EPB41: variants seen among roughly 807,000 people sequenced by gnomAD.
EPB41 encodes protein 4.1.
In EPB41, 65 loss-of-function variants were observed where a neutral mutation model predicts 108.0. The ratio of observed to expected loss-of-function variants is 0.60; its 90% CI spans 0.49 to 0.74. EPB41 has a LOEUF of 0.74. EPB41 is among the 30% of genes least tolerant of loss of function. The probability of loss-of-function intolerance (pLI) is 0.00; values close to 1 mark genes in which losing one functional copy is unlikely to be tolerated. For missense variants in EPB41, 875 were observed against 1,037.0 expected, an observed-to-expected ratio of 0.84 and a Z score of 2.15; for synonymous variants, 336 against 358.9, an observed-to-expected ratio of 0.94 and a Z score of 0.72.
Position 29,090,724 on chromosome 1 carries a change from T to A in EPB41, c.2185-7083T>A, listed in dbSNP as rs1197608796. Among the ~76,000 whole-genome samples, 6 of 152,158 alleles carry A rather than the reference T, an allele frequency of 3.9e-5. No individual in the cohort carries two copies. The East Asian group carries it at 1.2e-3, about 29-fold the overall frequency. On this transcript the variant is annotated intron_variant, in intron 16 of 20. Transcript: ENST00000343067. ...GACATCGCGCCATTGCACTCCAACC[T>A]GGTCAACAAGAGCGAAACCCTGTCT...
chr1:29,034,973 GTTTTT>G lies in EPB41; in HGVS notation c.1366-833_1366-829del, dbSNP rs10580931. 5.0e-3 allele frequency among the ~76,000 whole-genome samples: 439 copies of G among 87,204 alleles called. 4 individuals carry two copies. Among genetic ancestry groups the G allele is most frequent in the Middle Eastern group, 0.024 (3 of 126 alleles). 57.2% of individuals were successfully genotyped at this position (87,204 alleles called of 152,430 possible). On this transcript the variant is annotated intron_variant, in intron 9 of 20. Transcript: ENST00000343067. Reference sequence around the variant, plus strand: ...TGTTTCTTGGGTTTGTTTGTTTGTTGTTTTTTTTTTTTTTTTTTTTTTTTGGAAGA... The same window carrying G: ...TGTTTCTTGGGTTTGTTTGTTTGTTGTTTTTTTTTTTTTTTTTTTGGAAGA...
chr1:28,974,080 C>T (rs1040760842), intron 1 of EPB41, among the ~76,000 whole-genome samples: 6 of 152,124 alleles, frequency 3.9e-5, no homozygotes, highest in Admixed American at 6.6e-5. Context: ...TGTTTTATGA[C>T]GTGGTTTCAA....
Position 28,943,449 on chromosome 1 carries a change from T to C in EPB41, c.-8+28681T>C, listed in dbSNP as rs139362665. On this transcript the variant is annotated intron_variant, in intron 1 of 20. Transcript: ENST00000343067. ...GGGTGGATCACCTTAAGTCAGGAGTTCGAGACCAGCCTAGCCAACATGGTG... is the reference window on the plus strand; with the variant it reads ...GGGTGGATCACCTTAAGTCAGGAGTCCGAGACCAGCCTAGCCAACATGGTG... Among the ~76,000 whole-genome samples the C allele has an allele frequency of 4.3e-3, 660 of 152,228 alleles. 4 individuals are homozygous for C. Among genetic ancestry groups the C allele is most frequent in the African/African-American group, 0.015 (627 of 41,518 alleles).
chr1:29,015,640 C>A (rs941782938), intron 5 of EPB41, 52 bp from the exon 6 acceptor site: 3 of 1,092,178 alleles, frequency 2.7e-6, no homozygotes, highest in South Asian at 1.3e-5. Context: ...GTACTTCCAA[C>A]AATTAGAAAC....
chr1:28,937,607 C>CACCA (rs2094097234), intron 1 of EPB41, among the ~76,000 whole-genome samples: 1 of 152,158 alleles, frequency 6.6e-6, no homozygotes, highest in Non-Finnish European at 1.5e-5. Flanking sequence ...GTTGGCCAGG[C>CACCA]TGGTCTTTAA....
chr1:28,908,739 T>G (rs2092032541), intron 1 of EPB41, among the ~76,000 whole-genome samples: 1 of 151,270 alleles, frequency 6.6e-6, no homozygotes, highest in African/African-American at 2.4e-5. Flanking sequence ...CCAAGTATCA[T>G]TTTTAAGAGA....
At chr1:29,066,875 A>G (rs1023013884) in intron 16 of EPB41, among the ~76,000 whole-genome samples, 9 of 150,376 alleles carry the variant, frequency 6.0e-5, no homozygotes, top group Admixed American at 2.0e-4. Context: ...GGGTTTCACT[A>G]CGTTGGTCAG....
Position 29,118,208 on chromosome 1 carries a change from A to G in EPB41, c.*1396A>G, listed in dbSNP as rs471099. On this transcript the variant is annotated 3_prime_UTR_variant, in exon 21 of 21. Coordinates refer to ENST00000343067, the MANE Select transcript of EPB41 (RefSeq NM_001376013.1). ...CTGCAACCTCCGCCTCCTGGGTTCA[A>G]GCAGTTCTCTTGCCTCAGCCTCCCA... The G allele has an allele frequency of 0.22, 33,057 of 152,302 alleles. 4,094 individuals carry two copies. The highest frequency in any genetic ancestry group is 0.29 in the Non-Finnish European group (19,960 of 68,128). The allele number at this position is 152,302 out of a possible 1,614,324, so 9.4% of individuals were successfully genotyped here. A position where few individuals can be genotyped will look rare whatever the true frequency, so the allele number is the denominator to read the frequency against.
intron 2 of EPB41, among the ~76,000 whole-genome samples, chr1:28,992,557 C>T (rs764167809): frequency 1.3e-5 from 2 of 152,084 alleles, no homozygotes; most frequent in Admixed American, 6.6e-5. Context: ...GGCGTGGTGG[C>T]GGGCGCCTGT....
At chr1:28,957,490 C>T (rs374241886) in intron 1 of EPB41, among the ~76,000 whole-genome samples, 16 of 152,286 alleles carry the variant, frequency 1.1e-4, no homozygotes, top group African/African-American at 2.6e-4. Flanking sequence ...TTGCAACCTC[C>T]GCCTCCTGGG....
intron 1 of EPB41, among the ~76,000 whole-genome samples, chr1:28,986,500 T>A (rs1386242950): frequency 6.6e-6 from 1 of 152,176 alleles, no homozygotes; most frequent in African/African-American, 2.4e-5. Context: ...CCCCTACGAG[T>A]GAATCAACAC....
chr1:28,932,054 T>C (rs2093777599), intron 1 of EPB41, among the ~76,000 whole-genome samples: 1 of 152,268 alleles, frequency 6.6e-6, no homozygotes, highest in African/African-American at 2.4e-5. Flanking sequence ...TGTTTGGTTA[T>C]TATAAGTTGC....
intron 1 of EPB41, among the ~76,000 whole-genome samples, chr1:28,973,632 A>T (rs2930843): frequency 0.45 from 67,732 of 151,968 alleles, 17,688 homozygotes; most frequent in East Asian, 0.85. Flanking sequence ...TAGTCTCAAG[A>T]GATACTCCTG....
At chr1:28,998,642 C>T (rs1394751815) in intron 4 of EPB41, among the ~76,000 whole-genome samples, 1 of 152,186 alleles carries the variant, frequency 6.6e-6, no homozygotes, top group South Asian at 2.1e-4. Context: ...CTATGAATGA[C>T]TACTAACTCA....
chr1:28,944,767 T>G lies in EPB41; in HGVS notation c.-8+29999T>G, dbSNP rs536774131. On this transcript the variant is annotated intron_variant, in intron 1 of 20. Coordinates refer to ENST00000343067, the MANE Select transcript of EPB41 (RefSeq NM_001376013.1). ...CTGGGCTAGTCTCAGACTCCCTACC[T>G]GAAGTGATCCACCTGCCTCAGCCTC... 4.0e-5 allele frequency among the ~76,000 whole-genome samples: 6 copies of G among 151,714 alleles called. No individual in the cohort carries two copies. The South Asian group carries it at 1.3e-3, about 32-fold the overall frequency.
intron 1 of EPB41, among the ~76,000 whole-genome samples, chr1:28,901,060 G>A (rs769423428): frequency 6.6e-6 from 1 of 151,848 alleles, no homozygotes. Context: ...CTCCTGAGTA[G>A]CTGGGATTAT....
chr1:28,921,123 GA>G (rs796937823), intron 1 of EPB41, among the ~76,000 whole-genome samples: 11 of 152,220 alleles, frequency 7.2e-5, no homozygotes, highest in African/African-American at 2.4e-4. Flanking sequence ...ACGTGTAATA[GA>G]AATGTATATT....
intron 11 of EPB41, among the ~76,000 whole-genome samples, chr1:29,040,953 T>C (rs1641262006): frequency 6.6e-6 from 1 of 151,554 alleles, no homozygotes; most frequent in Non-Finnish European, 1.5e-5. Flanking sequence ...CTGGCTGACA[T>C]GGTGAAACCC....
At chr1:29,047,643 CTA>C (rs1415739561) in intron 11 of EPB41, among the ~76,000 whole-genome samples, 2 of 152,008 alleles carry the variant, frequency 1.3e-5, no homozygotes, top group Non-Finnish European at 1.5e-5. Flanking sequence ...TCTGTAAGAA[CTA>C]TAGCAGGGTC....
Sources: gnomAD v4.1 joint callset for allele counts (sites outside exome capture counted in the v4.1 genomes callset) on GRCh38, gnomAD v4.1.1 for gene constraint, MANE v1.5 for transcripts, NCBI Gene and HGNC (gene_info 2026-07-23, HGNC 2026-07-21) for gene names.